ERCC2: variants seen among roughly 807,000 people sequenced by gnomAD.
ERCC2 encodes ERCC excision repair 2, TFIIH core complex helicase subunit.
Under a neutral mutation model 99.4 loss-of-function variants are expected in ERCC2, and 90 were observed. That is an observed-to-expected ratio of 0.91 (90% CI 0.76 to 1.08). The LOEUF is 1.08. Ranked by LOEUF, ERCC2 falls within the 50% of genes least tolerant of loss-of-function variation. The pLI, the probability that ERCC2 is intolerant of heterozygous loss-of-function variation, is 0.00. For missense variants in ERCC2, 993 were observed against 1,038.1 expected (o/e 0.96, Z 0.60); for synonymous variants, 497 against 432.4 (o/e 1.15, Z -1.85).
intron 5 of ERCC2, 88 bp from the exon 6 acceptor site, chr19:45,365,246 G>GGA: frequency 4.0e-6 from 4 of 1,004,674 alleles, no homozygotes; most frequent in Non-Finnish European, 3.2e-6. Context: ...CAGCTGGCTG[G>GGA]GGTTTTGGAC....
chr19:45,353,295 TAA>T lies in ERCC2; in HGVS notation c.1703_1704del (p.Phe568TyrfsTer2), dbSNP rs587778271. On this transcript the variant is annotated frameshift_variant, in exon 18 of 23. Coordinates refer to ENST00000391945, the MANE Select transcript of ERCC2 (RefSeq NM_000400.4). LOFTEE classifies it high-confidence loss of function. The part of the protein sequence containing the change: ...LENIQRNKLL[F>X]IETQDGAETS... The stretch of plus-strand genomic sequence containing the variant: ...GTTTCGGCACCATCCTGGGTCTCAA[TAA>T]AGAGCAGCTTGTTCCTCTGGATGTT... 143 of 1,613,976 alleles carry T rather than the reference TAA, an allele frequency of 8.9e-5. No homozygotes were observed. The highest frequency in any genetic ancestry group is 1.1e-4 in the Non-Finnish European group (124 of 1,179,968).
chr19:45,352,972 T>C, intron 19 of ERCC2, 111 bp downstream of exon 19: 1 of 1,290,158 alleles, frequency 7.8e-7, no homozygotes, highest in Non-Finnish European at 1.1e-6. Flanking sequence ...GGCCCCTCTG[T>C]GCACCTAGGC....
chr19:45,366,966 T>C (rs896458191), intron 5 of ERCC2, among the ~76,000 whole-genome samples: 2 of 150,706 alleles, frequency 1.3e-5, no homozygotes, highest in Non-Finnish European at 3.0e-5. Context: ...ACCTCGGAGG[T>C]GGAGGTTGTG....
intron 19 of ERCC2, 56 bp downstream of exon 19, chr19:45,353,027 G>A (rs932844000): frequency 4.9e-5 from 77 of 1,556,056 alleles, no homozygotes; most frequent in Non-Finnish European, 6.5e-5. Flanking sequence ...AGAGCGGGCA[G>A]GTGTTCCAGA....
intron 1 of ERCC2, 114 bp from the exon 2 acceptor site, chr19:45,370,346 C>G: frequency 6.5e-7 from 1 of 1,531,154 alleles, no homozygotes; most frequent in Non-Finnish European, 8.8e-7. Flanking sequence ...CCCGGTAACC[C>G]TCAGGTCCTC....
In ERCC2 at chr19:45,351,074, G is replaced by A. The variant is rs1220881600; in HGVS notation, c.*555C>T. The A allele has an allele frequency of 1.2e-6, 2 of 1,613,678 alleles. No homozygotes were observed. The highest frequency in any genetic ancestry group is 4.5e-5 in the East Asian group (2 of 44,878). On this transcript the variant is annotated 3_prime_UTR_variant, in exon 23 of 23. Coordinates refer to ENST00000391945, the MANE Select transcript of ERCC2 (RefSeq NM_000400.4). ...AGGCCATGTGGGTAGGTGCAGAGATGAGGCAAAGGCAGGGCGGTCGGGCCA... is the reference window on the plus strand; with the variant it reads ...AGGCCATGTGGGTAGGTGCAGAGATAAGGCAAAGGCAGGGCGGTCGGGCCA...
intron 15 of ERCC2, among the ~76,000 whole-genome samples, chr19:45,356,512 G>C (rs1425522275): frequency 1.3e-5 from 2 of 152,158 alleles, no homozygotes; most frequent in Non-Finnish European, 2.9e-5. Flanking sequence ...GGAAAATTCT[G>C]AATTCCAAAA....
In ERCC2 at chr19:45,352,583, T is replaced by C. The variant is rs1340904003; in HGVS notation, c.1969A>G (p.Met657Val). Residue 657 changes from methionine to valine, a missense_variant, in exon 21 of 23, where the codon ATG (methionine) becomes GTG (valine). Physicochemically the swap from Met to Val is conservative, Grantham distance 21. Around this residue, in one of 3 missense-constraint regions of ERCC2, gnomAD observed 909 missense variants for 930.8 expected, o/e 0.98. Coordinates refer to ENST00000391945, the MANE Select transcript of ERCC2 (RefSeq NM_000400.4). The part of the protein sequence containing the change: ...RENDFLTFDA[M>V]RHAAQCVGRA... ...CCCACACACTGGGCCGCGTGGCGCA[T>C]GGCATCGAAGGTAAGAAAGTCATTC... 1.2e-6 allele frequency: 2 copies of C among 1,614,030 alleles called. No individual in the cohort carries two copies. Among genetic ancestry groups the C allele is most frequent in the Non-Finnish European group, 1.7e-6 (2 of 1,180,024 alleles).
At chr19:45,370,080 G>C in intron 2 of ERCC2, 53 bp downstream of exon 2, 1 of 1,573,206 alleles carries the variant, frequency 6.4e-7, no homozygotes, top group Non-Finnish European at 8.7e-7. Context: ...CTTAGGCCCA[G>C]GCGTGGCAGC....
At chr19:45,354,264 G>T (rs772256227) in intron 17 of ERCC2, among the ~76,000 whole-genome samples, 1 of 152,134 alleles carries the variant, frequency 6.6e-6, no homozygotes, top group Non-Finnish European at 1.5e-5. Flanking sequence ...AATGCCCCAC[G>T]ACCTCCTCTA....
intron 5 of ERCC2, among the ~76,000 whole-genome samples, chr19:45,367,089 A>G (rs780100223): frequency 6.6e-6 from 1 of 152,158 alleles, no homozygotes; most frequent in Non-Finnish European, 1.5e-5. Flanking sequence ...CTGTAATCCC[A>G]GCACTTTGGG....
rs746618110 is a variant in ERCC2 at position 45,352,315 on chromosome 19, C to T, written c.2084G>A (p.Arg695His). 56 of 1,613,932 alleles carry T rather than the reference C, an allele frequency of 3.5e-5. No individual in the cohort carries two copies. Among genetic ancestry groups the T allele is most frequent in the Non-Finnish European group, 4.1e-5 (48 of 1,180,022 alleles). Residue 695 changes from arginine (R) to histidine (H), a missense_variant, in exon 22 of 23, where the codon CGC (arginine) becomes CAC (histidine). Coordinates refer to ENST00000391945, the MANE Select transcript of ERCC2 (RefSeq NM_000400.4). ...ARGDKRGKLPRWIQEHLTDAN... is the reference protein window; with the variant it reads ...ARGDKRGKLPHWIQEHLTDAN... ...ATCTGTGAGGTGCTCCTGGATCCAG[C>T]GGGGCAGCTTCCCCCGCTTGTCCCC...
Position 45,357,710 on chromosome 19 carries a change from C to T in ERCC2, c.1238-11G>A. 1 of 1,613,038 alleles carries T rather than the reference C, an allele frequency of 6.2e-7. No homozygotes were observed. The highest frequency in any genetic ancestry group is 1.3e-5 in the African/African-American group (1 of 74,990). ...TGATGATGGTGAAGCCTGCAGAGGG[C>T]AGGCAAGGAGGGGTGAGATTACCCC... On this transcript the variant is annotated splice_polypyrimidine_tract_variant and intron_variant, in intron 12 of 22. Transcript: ENST00000391945.
chr19:45,352,508 TGTC>T lies in ERCC2; in HGVS notation c.2041_2043del (p.Asp681del), dbSNP rs1358635765. The T allele has an allele frequency of 1.1e-5, 17 of 1,614,042 alleles. No homozygotes were observed. The highest frequency in any genetic ancestry group is 1.3e-5 in the African/African-American group (1 of 74,920). On this transcript the variant is annotated inframe_deletion, in exon 21 of 23. Coordinates refer to ENST00000391945, the MANE Select transcript of ERCC2 (RefSeq NM_000400.4). ...CAGGGGCACCCCTGAAGCTGCACCT[TGTC>T]GGCAAAGACCATGAGGCCGTAGTCC...
chr19:45,355,784 G>T, intron 15 of ERCC2, 56 bp from the exon 16 acceptor site: 4 of 1,301,082 alleles, frequency 3.1e-6, no homozygotes, highest in Non-Finnish European at 4.5e-6. Flanking sequence ...TCCAGCGTGA[G>T]TGCTGACCAC....
At chr19:45,364,734 G>A (rs1189181763) in intron 7 of ERCC2, 104 bp downstream of exon 7, 1 of 1,249,910 alleles carries the variant, frequency 8.0e-7, no homozygotes, top group East Asian at 2.4e-5. Context: ...GATGCAGACA[G>A]GCAGACTCAC....
intron 17 of ERCC2, among the ~76,000 whole-genome samples, chr19:45,354,155 C>T (rs922248368): frequency 6.6e-6 from 1 of 152,220 alleles, no homozygotes; most frequent in African/African-American, 2.4e-5. Context: ...GAGAGCCCGG[C>T]CATGGTGTGC....
chr19:45,353,540 G>A (rs916619647), intron 17 of ERCC2, among the ~76,000 whole-genome samples: 1 of 152,300 alleles, frequency 6.6e-6, no homozygotes, highest in South Asian at 2.1e-4. Context: ...CTGGATAAGT[G>A]GGGCAGGCAT....
Position 45,352,823 on chromosome 19 carries a change from G to A in ERCC2, c.1832-7C>T, listed in dbSNP as rs1410724947. ...GCCCGCCCGTAGTGGTGCACTGGTGGGCAGAGGAGAGGGGGCGAGGGGGGT... is the reference window on the plus strand; with the variant it reads ...GCCCGCCCGTAGTGGTGCACTGGTGAGCAGAGGAGAGGGGGCGAGGGGGGT... On this transcript the variant is annotated splice_region_variant and splice_polypyrimidine_tract_variant and intron_variant, in intron 19 of 22. Transcript: ENST00000391945. 1 of 1,613,492 alleles carries A rather than the reference G, an allele frequency of 6.2e-7. No homozygotes were observed. The highest frequency in any genetic ancestry group is 1.3e-5 in the African/African-American group (1 of 74,860).
Sources: allele counts gnomAD v4.1 joint callset (sites outside exome capture counted in the v4.1 genomes callset), GRCh38; gene constraint gnomAD v4.1.1; regional missense constraint gnomAD v4.1.1; transcripts MANE v1.5; gene names NCBI Gene and HGNC (gene_info 2026-07-23, HGNC 2026-07-21).